Variants in FAM153A observed in about 807,000 individuals in gnomAD.
The protein encoded by FAM153A is protein FAM153A.
Under a neutral mutation model 48.1 loss-of-function variants are expected in FAM153A, and 12 were observed. The ratio of observed to expected loss-of-function variants is 0.25; its 90% CI spans 0.16 to 0.40. The LOEUF (loss-of-function observed/expected upper bound fraction) is 0.40. FAM153A is among the 10% of genes least tolerant of loss of function. The pLI, the probability that FAM153A is intolerant of heterozygous loss-of-function variation, is 1.00. For missense variants in FAM153A, 111 were observed against 345.8 expected (o/e 0.32, Z 5.38); for synonymous variants, 36 against 118.2 (o/e 0.30, Z 4.51).
At chr5:177,701,259 T>C in the FAM153A span, among the ~76,000 whole-genome samples, 1 of 151,844 alleles carries the variant, frequency 6.6e-6, no homozygotes, top group Non-Finnish European at 1.5e-5. Flanking sequence ...TAAACCTCTT[T>C]TCTTTATAAA....
chr5:177,755,251 T>C (rs924104066), upstream of FAM153A, among the ~76,000 whole-genome samples: 1 of 151,338 alleles, frequency 6.6e-6, no homozygotes, highest in Non-Finnish European at 1.5e-5. Context: ...GAAAATCAAA[T>C]GAATGAAATG....
intron 10 of FAM153A, 74 bp downstream of exon 12, chr5:177,739,039 C>T (rs1197847299): frequency 4.0e-5 from 53 of 1,330,430 alleles, no homozygotes; most frequent in Non-Finnish European, 4.8e-5. Flanking sequence ...CTCCAGAAAA[C>T]GCAGGCAAGA....
At chr5:177,781,559 T>C (rs1177465319), upstream of FAM153A, 19 of 97,012 alleles carry the variant, frequency 2.0e-4, no homozygotes, top group East Asian at 3.1e-3. Flanking sequence ...AAAATGTGTC[T>C]TCCCATTCAG....
chr5:177,778,261 T>A (rs1215295391), intron 1 of FAM153A, among the ~76,000 whole-genome samples: 15 of 20,036 alleles, frequency 7.5e-4, no homozygotes, highest in African/African-American at 1.8e-3. Flanking sequence ...TAGAGTATAA[T>A]AAAAAAAAAA....
chr5:177,708,518 G>A (rs575611697), downstream of FAM153A, among the ~76,000 whole-genome samples: 12 of 151,482 alleles, frequency 7.9e-5, no homozygotes, highest in East Asian at 3.9e-4. Context: ...CGGAGGTTGC[G>A]GTGAGCAGAG....
the FAM153A span, among the ~76,000 whole-genome samples, chr5:177,698,709 G>A: frequency 6.6e-6 from 1 of 151,532 alleles, no homozygotes; most frequent in Non-Finnish European, 1.5e-5. Flanking sequence ...CCCAGGCTGG[G>A]GTGCAGTGGT....
At chr5:177,704,719 C>T (rs1757724699), downstream of FAM153A, among the ~76,000 whole-genome samples, 1 of 151,674 alleles carries the variant, frequency 6.6e-6, no homozygotes, top group South Asian at 2.1e-4. Flanking sequence ...AGTATATAGG[C>T]CCCAGCCAGG....
At chr5:177,754,106 G>A (rs12513605), upstream of FAM153A, among the ~76,000 whole-genome samples, 85,253 of 150,956 alleles carry the variant, frequency 0.56, 24,343 homozygotes, top group Middle Eastern at 0.61. Context: ...GGGATGACAG[G>A]CTGCACCTGG....
chr5:177,715,373 C>T (rs906840369), intron 25 of FAM153A, among the ~76,000 whole-genome samples: 7 of 150,084 alleles, frequency 4.7e-5, no homozygotes, highest in African/African-American at 1.2e-4. Context: ...GTAGCTGTCA[C>T]TCAATAAGAT....
Position 177,759,043 on chromosome 5 carries a change from C to G in FAM153A, c.-56-10344G>C, listed in dbSNP as rs1377408907. Among the ~76,000 whole-genome samples, 3 of 151,764 alleles carry G rather than the reference C, an allele frequency of 2.0e-5. No individual in the cohort carries two copies. The East Asian group carries it at 5.8e-4, about 29-fold the overall frequency. On this transcript the variant is annotated intron_variant, in intron 1 of 8. Coordinates refer to the FAM153A transcript ENST00000393518. ...ACCATCAGAGTGAACAGGGAACCTA[C>G]AGAATGGGAGAAAAATTTTTGCAAT...
downstream of FAM153A, among the ~76,000 whole-genome samples, chr5:177,706,266 G>A (rs544694505): frequency 3.3e-5 from 5 of 151,614 alleles, no homozygotes; most frequent in Admixed American, 1.3e-4. Flanking sequence ...GCGCAGTCTC[G>A]GCTCACTGCA....
downstream of FAM153A, among the ~76,000 whole-genome samples, chr5:177,708,897 A>G (rs547904221): frequency 3.1e-4 from 47 of 151,634 alleles, 1 homozygote; most frequent in African/African-American, 1.1e-3. Flanking sequence ...GATCGAGACC[A>G]TTCTGGCCAA....
At chr5:177,761,426 C>A (rs1210515642) in intron 1 of FAM153A, among the ~76,000 whole-genome samples, 8 of 152,052 alleles carry the variant, frequency 5.3e-5, no homozygotes, top group African/African-American at 1.9e-4. Flanking sequence ...CCAGAGCCCT[C>A]CCCTGGCCGA....
chr5:177,709,938 C>T (rs1417722980), downstream of FAM153A, among the ~76,000 whole-genome samples: 69 of 135,074 alleles, frequency 5.1e-4, no homozygotes, highest in African/African-American at 1.9e-3. Flanking sequence ...GCTGGAATTA[C>T]AGGCATGAGC....
intron 18 of FAM153A, among the ~76,000 whole-genome samples, chr5:177,728,554 T>C (rs1267870647): frequency 1.9e-5 from 1 of 53,900 alleles, no homozygotes; most frequent in Admixed American, 2.2e-4. Flanking sequence ...TGTTGGGGTG[T>C]TTTTTTTTTT....
intron 1 of FAM153A, among the ~76,000 whole-genome samples, chr5:177,761,044 C>A (rs562218699): frequency 6.6e-6 from 1 of 151,626 alleles, no homozygotes. Context: ...TCTTATGAAG[C>A]GGGACTGAAT....
chr5:177,751,526 T>C (rs1287525449), intron 1 of FAM153A, among the ~76,000 whole-genome samples: 11 of 119,806 alleles, frequency 9.2e-5, no homozygotes, highest in African/African-American at 1.9e-4. Context: ...TAGTGGTTAA[T>C]AGAGAAGCCA....
downstream of FAM153A, among the ~76,000 whole-genome samples, chr5:177,706,551 A>C (rs1757908905): frequency 6.6e-6 from 1 of 151,974 alleles, no homozygotes; most frequent in African/African-American, 2.4e-5. Context: ...TTTTAGACAA[A>C]ACGTAGTTTT....
At chr5:177,713,589 G>T (rs184181261) in intron 26 of FAM153A, among the ~76,000 whole-genome samples, 16 of 151,840 alleles carry the variant, frequency 1.1e-4, no homozygotes, top group Admixed American at 4.6e-4. Flanking sequence ...AAATGACTGA[G>T]CTGGGTGCTG....
Sources: gnomAD v4.1 joint callset for allele counts (sites outside exome capture counted in the v4.1 genomes callset) on GRCh38, gnomAD v4.1.1 for gene constraint, MANE v1.5 for transcripts, NCBI Gene and HGNC (gene_info 2026-07-23, HGNC 2026-07-21) for gene names.